HS3ST1: variants seen among roughly 807,000 people sequenced by gnomAD.
The protein encoded by HS3ST1 is heparan sulfate glucosamine 3-O-sulfotransferase 1.
A neutral mutation model predicts 20.7 loss-of-function variants in HS3ST1; 8 were observed. The observed-to-expected ratio is 0.39, with a 90% CI of 0.23 to 0.70. The LOEUF (loss-of-function observed/expected upper bound fraction) is 0.70. Among genes scored for constraint, HS3ST1 ranks in the 30% least tolerant of loss-of-function variants. The pLI, the probability that HS3ST1 is intolerant of heterozygous loss-of-function variation, is 0.46. For synonymous variants in HS3ST1, 205 were observed against 190.4 expected (o/e 1.08, Z -0.63); for missense variants, 436 against 423.4 (o/e 1.03, Z -0.26).
chr4:11,429,803 G>T (rs77643561), upstream of HS3ST1: 1 of 151,838 alleles, frequency 6.6e-6, no homozygotes. Context: ...CTCAATTTAA[G>T]ATTTAAGGTT....
At chr4:11,423,891 A>G (rs372264350) in intron 1 of HS3ST1, among the ~76,000 whole-genome samples, 1 of 152,164 alleles carries the variant, frequency 6.6e-6, no homozygotes, top group Non-Finnish European at 1.5e-5. Flanking sequence ...GAGGCCATAC[A>G]TTGGAGGCCT....
intron 1 of HS3ST1, among the ~76,000 whole-genome samples, chr4:11,423,473 T>G (rs75753359): frequency 0.037 from 5,644 of 152,324 alleles, 160 homozygotes; most frequent in Non-Finnish European, 0.053. Context: ...ATCCTGATAT[T>G]TCCTATCACT....
chr4:11,433,649 G>C (rs1414665093), upstream of HS3ST1, among the ~76,000 whole-genome samples: 1 of 151,898 alleles, frequency 6.6e-6, no homozygotes, highest in Non-Finnish European at 1.5e-5. Context: ...CCTTATTCAA[G>C]GATACTGGGA....
intron 1 of HS3ST1, among the ~76,000 whole-genome samples, chr4:11,415,552 T>G (rs1164469087): frequency 6.6e-6 from 1 of 152,210 alleles, no homozygotes; most frequent in Non-Finnish European, 1.5e-5. Context: ...TTTTGTCTGC[T>G]TAAATAGTTG....
rs540491124 is a variant in HS3ST1, at chr4:11,393,915, T to A, written c.*5167A>T. ...CTTCAGAAAATAGTACAGAAGACAA[T>A]CTTTGTGGCAGCTGGGGTTGAGAGC... On this transcript the variant is annotated 3_prime_UTR_variant, in exon 2 of 2. Coordinates refer to ENST00000002596, the MANE Select transcript of HS3ST1 (RefSeq NM_005114.4). The A allele has an allele frequency of 4.6e-5, 7 of 152,172 alleles. No individual in the cohort carries two copies. Among genetic ancestry groups the A allele is most frequent in the Admixed American group, 3.3e-4 (5 of 15,294 alleles). 9.4% of individuals were successfully genotyped at this position (152,172 alleles called of 1,614,324 possible).
chr4:11,406,862 T>C (rs1197191325), intron 1 of HS3ST1, among the ~76,000 whole-genome samples: 1 of 152,208 alleles, frequency 6.6e-6, no homozygotes, highest in Non-Finnish European at 1.5e-5. Context: ...CTGTCTTTTT[T>C]TTTTTTAATC....
chr4:11,424,152 C>A (rs1719006141), intron 1 of HS3ST1, among the ~76,000 whole-genome samples: 1 of 152,024 alleles, frequency 6.6e-6, no homozygotes, highest in Admixed American at 6.6e-5. Context: ...GGCACAGGGC[C>A]CAAGTCCTGT....
chr4:11,421,363 C>A (rs578154572), intron 1 of HS3ST1, among the ~76,000 whole-genome samples: 52 of 152,308 alleles, frequency 3.4e-4, no homozygotes, highest in South Asian at 1.9e-3. Context: ...CTCCTTCCTA[C>A]CCAGGACACT....
chr4:11,399,943 G>T lies in HS3ST1; in HGVS notation c.63C>A (p.Arg21=), dbSNP rs1162456381. 6.4e-7 allele frequency: 1 copy of T among 1,573,604 alleles called. No homozygotes were observed. Among genetic ancestry groups the T allele is most frequent in the Non-Finnish European group, 8.6e-7 (1 of 1,163,664 alleles). The change falls in exon 2 of 2, where the codon CGC becomes CGA. Residue 21 remains arginine (R), a synonymous_variant. Transcript: ENST00000002596. The surrounding 1 kb of genome is among the most constrained non-coding windows in gnomAD (Gnocchi z 5.1). The part of the protein sequence containing the change: ...LVAQPQLVPS[R]PAELGQQELL... ...GCTCCTGCTGGCCTAGCTCGGCGGG[G>T]CGGGAAGGCACTAGCTGGGGCTGGG...
At chr4:11,407,980 ATTTG>A (rs982282223) in intron 1 of HS3ST1, among the ~76,000 whole-genome samples, 17 of 151,988 alleles carry the variant, frequency 1.1e-4, no homozygotes, top group Non-Finnish European at 2.1e-4. Flanking sequence ...TTTGTTTTTT[ATTTG>A]TTTGTTTCCT....
At chr4:11,403,351 TAACACTCTCAGA>T (rs1436759984) in intron 1 of HS3ST1, among the ~76,000 whole-genome samples, 2 of 152,222 alleles carry the variant, frequency 1.3e-5, no homozygotes, top group African/African-American at 4.8e-5. Flanking sequence ...GTCCTTTTTG[TAACACTCTCAGA>T]AACAAAAAGA....
intron 1 of HS3ST1, among the ~76,000 whole-genome samples, chr4:11,421,300 C>T (rs1463666335): frequency 6.6e-6 from 1 of 152,202 alleles, no homozygotes; most frequent in Non-Finnish European, 1.5e-5. Context: ...CTCTTTCAAC[C>T]ACAAAATAGC....
At chr4:11,432,265 G>C (rs557271498), upstream of HS3ST1, among the ~76,000 whole-genome samples, 6 of 152,158 alleles carry the variant, frequency 3.9e-5, no homozygotes, top group Non-Finnish European at 5.9e-5. Context: ...GTAACCCCCA[G>C]TCTAGTGGGC....
At chr4:11,416,293 C>T (rs1038215517) in intron 1 of HS3ST1, among the ~76,000 whole-genome samples, 1 of 152,216 alleles carries the variant, frequency 6.6e-6, no homozygotes, top group African/African-American at 2.4e-5. Context: ...TCGCCCCTCA[C>T]CACATAAATC....
chr4:11,426,455 G>C (rs570591969), intron 1 of HS3ST1, among the ~76,000 whole-genome samples: 62 of 147,844 alleles, frequency 4.2e-4, no homozygotes, highest in African/African-American at 1.0e-3. Context: ...GGGGACCCAG[G>C]GGGGGGGCTT....
Position 11,398,634 on chromosome 4 carries a change from AAG to A in HS3ST1, c.*446_*447del, listed in dbSNP as rs1718210050. 6.6e-6 allele frequency: 1 copy of A among 152,648 alleles called. No individual in the cohort carries two copies. The highest frequency in any genetic ancestry group is 2.4e-5 in the African/African-American group (1 of 41,460). The allele number at this position is 152,648 out of a possible 1,614,324, so 9.5% of individuals were successfully genotyped here. On this transcript the variant is annotated 3_prime_UTR_variant, in exon 2 of 2. Coordinates refer to ENST00000002596, the MANE Select transcript of HS3ST1 (RefSeq NM_005114.4). ...TCACAATGAGACATTAAAAATTAAA[AAG>A]AGCAATGCAGAAAGGAGAGGGGAGA...
rs1444700088 is a variant in HS3ST1 at position 11,399,998 on chromosome 4, G to A, written c.8C>T (p.Ala3Val). MA[A>V]LLLGAVLLVA... is the part of the protein sequence containing the mutation. ...CAGCAGCACCGCGCCCAGGAGCAGCGCGGCCATGCTGGACACCACGGTGGC... is the reference window on the plus strand; with the variant it reads ...CAGCAGCACCGCGCCCAGGAGCAGCACGGCCATGCTGGACACCACGGTGGC... Residue 3 changes from alanine to valine, a missense_variant, in exon 2 of 2, where the codon GCG becomes GTG. Ala to Val is a moderately conservative substitution (Grantham distance 64). Coordinates refer to ENST00000002596, the MANE Select transcript of HS3ST1 (RefSeq NM_005114.4). The surrounding 1 kb of genome is among the most constrained non-coding windows in gnomAD (Gnocchi z 5.1). 15 of 1,519,806 alleles carry A rather than the reference G, an allele frequency of 9.9e-6. No homozygotes were observed. The highest frequency in any genetic ancestry group is 6.1e-5 in the Admixed American group (3 of 49,546). 94.1% of individuals were successfully genotyped at this position (1,519,806 alleles called of 1,614,324 possible).
At chr4:11,400,343 T>C (rs933218613) in intron 1 of HS3ST1, among the ~76,000 whole-genome samples, 2 of 152,208 alleles carry the variant, frequency 1.3e-5, no homozygotes, top group Non-Finnish European at 2.9e-5. Context: ...CGTGCTATTA[T>C]AGATGAAATG....
At position 11,399,008 on chromosome 4, in the gene HS3ST1, T is replaced by A; in HGVS notation, c.*74A>T. ...AATAAATTATACCTTAAATGCTTTT[T>A]TAAAATTCTTTTTCCCCTCAGATGT... On this transcript the variant is annotated 3_prime_UTR_variant, in exon 2 of 2. Coordinates refer to ENST00000002596, the MANE Select transcript of HS3ST1 (RefSeq NM_005114.4). The surrounding 1 kb of genome is among the most constrained non-coding windows in gnomAD (Gnocchi z 5.1). 1 of 1,320,210 alleles carries A rather than the reference T, an allele frequency of 7.6e-7. No homozygotes were observed. Among genetic ancestry groups the A allele is most frequent in the Non-Finnish European group, 1.0e-6 (1 of 959,848 alleles). 81.8% of individuals were successfully genotyped at this position (1,320,210 alleles called of 1,614,324 possible). A position where few individuals can be genotyped will look rare whatever the true frequency, so the allele number is the denominator to read the frequency against.
Sources: allele counts gnomAD v4.1 joint callset (sites outside exome capture counted in the v4.1 genomes callset), GRCh38; gene constraint gnomAD v4.1.1; non-coding constraint Gnocchi (gnomAD v3.1); transcripts MANE v1.5; gene names NCBI Gene and HGNC (gene_info 2026-07-23, HGNC 2026-07-21).